Variants in KLK3 observed in about 807,000 individuals in gnomAD.
KLK3 encodes kallikrein related peptidase 3.
A neutral mutation model predicts 27.7 loss-of-function variants in KLK3; 23 were observed. The observed-to-expected ratio is 0.83, with a 90% CI of 0.60 to 1.17. The LOEUF (loss-of-function observed/expected upper bound fraction) is 1.17, where lower values mean the gene tolerates loss of function less well. Ranked by LOEUF, KLK3 falls within the 50% of genes most tolerant of loss-of-function variation. The probability of loss-of-function intolerance (pLI) is 0.00; values close to 1 mark genes in which losing one functional copy is unlikely to be tolerated. For missense variants in KLK3, 322 were observed against 338.1 expected (o/e 0.95, Z 0.37); for synonymous variants, 142 against 134.2 (o/e 1.06, Z -0.40).
At chr19:50,857,826 A>C in intron 2 of KLK3, 1 of 556,858 alleles carries the variant, frequency 1.8e-6, no homozygotes, top group Non-Finnish European at 3.1e-6. Context: ...GGTTTCTCTC[A>C]GTTTCTGTAT....
chr19:50,859,428 G>A, intron 4 of KLK3: 4 of 860,176 alleles, frequency 4.7e-6, no homozygotes, highest in Non-Finnish European at 7.7e-6. Flanking sequence ...TGACCTGGGG[G>A]TGGCTCCAGG....
At chr19:50,858,342 G>A (rs781682116) in intron 3 of KLK3, 27 bp downstream of exon 3, 75 of 1,605,638 alleles carry the variant, frequency 4.7e-5, no homozygotes, top group East Asian at 4.5e-4. Context: ...TGGTGCAGCC[G>A]GGAGCCCAGA....
intron 2 of KLK3, among the ~76,000 whole-genome samples, chr19:50,857,031 C>T (rs749269197): frequency 6.6e-6 from 1 of 151,642 alleles, no homozygotes. Flanking sequence ...GGCGTGGTGG[C>T]GCATGCCTGT....
chr19:50,859,507 C>T, intron 4 of KLK3: 2 of 1,594,472 alleles, frequency 1.3e-6, no homozygotes, highest in Non-Finnish European at 1.7e-6. Context: ...CTCCCCTCCA[C>T]TCCATTCTCC....
intron 2 of KLK3, among the ~76,000 whole-genome samples, chr19:50,857,162 C>CAAAAAAAAA (rs560911495): frequency 0.18 from 8,205 of 46,126 alleles, 1,243 homozygotes; most frequent in Non-Finnish European, 0.26. Context: ...GACTCCGCCT[C>CAAAAAAAAA]AAAAAAAAAA....
At position 50,856,340 on chromosome 19, in the gene KLK3, C is replaced by T; in HGVS notation, c.147C>T (p.Val49=). 6.2e-7 allele frequency: 1 copy of T among 1,613,808 alleles called. No homozygotes were observed. ...QVLVASRGRA[V]CGGVLVHPQW... ...TTGTGGCCTCTCGTGGCAGGGCAGT[C>T]TGCGGCGGTGTTCTGGTGCACCCCC... The change falls in exon 2 of 5, where the codon GTC becomes GTT. Residue 49 remains valine, a synonymous_variant. Transcript: ENST00000326003.
At chr19:50,858,420 G>A in intron 3 of KLK3, 39 bp from the exon 4 acceptor site, 22 of 1,609,718 alleles carry the variant, frequency 1.4e-5, no homozygotes, top group Non-Finnish European at 1.8e-5. Flanking sequence ...GGAACCAGGT[G>A]GGGTCCAGCC....
chr19:50,855,069 T>C (rs766628593), intron 1 of KLK3, 68 bp downstream of exon 1: 5 of 1,556,870 alleles, frequency 3.2e-6, no homozygotes, highest in Admixed American at 3.4e-5. Flanking sequence ...CTGAGGCTCT[T>C]TCCCCCCCAA....
At position 50,860,430 on chromosome 19, in the gene KLK3, T is replaced by G. The variant is rs537315899; in HGVS notation, c.*303T>G. The G allele has an allele frequency of 8.0e-5, 21 of 263,408 alleles. No homozygotes were observed. Among genetic ancestry groups the G allele is most frequent in the Admixed American group, 4.4e-4 (9 of 20,400 alleles). The allele number at this position is 263,408 out of a possible 1,614,324, so 16.3% of individuals were successfully genotyped here. The stretch of plus-strand genomic sequence containing the variant: ...GTACAGAGATGAAAGAGGGGTGGGA[T>G]CCACACTGAGAGAGTGGAGAGTGAC... On this transcript the variant is annotated 3_prime_UTR_variant, in exon 5 of 5. Transcript: ENST00000326003.
intron 2 of KLK3, 131 bp from the exon 3 acceptor site, chr19:50,857,898 T>A: frequency 3.0e-6 from 3 of 984,496 alleles, no homozygotes; most frequent in South Asian, 1.8e-5. Context: ...TGGCCTGAAC[T>A]GTGTCTTCCC....
At chr19:50,859,311 C>A (rs867948733) in intron 4 of KLK3, among the ~76,000 whole-genome samples, 20 of 142,004 alleles carry the variant, frequency 1.4e-4, no homozygotes, top group Middle Eastern at 3.5e-3. Context: ...TGGACAGAAG[C>A]AGGACAGGGC....
Position 50,858,483 on chromosome 19 carries a change from G to A in KLK3, c.518G>A (p.Cys173Tyr), listed in dbSNP as rs775735844. The A allele has an allele frequency of 6.8e-6, 11 of 1,614,100 alleles. No homozygotes were observed. The highest frequency in any genetic ancestry group is 1.6e-4 in the Middle Eastern group (1 of 6,084). Residue 173 changes from cysteine to tyrosine, a missense_variant, in exon 4 of 5, where the codon TGT (cysteine) becomes TAT (tyrosine). Cys to Tyr is a radical substitution (Grantham distance 194, BLOSUM62 -2). Transcript: ENST00000326003. ...GTCTTGACCCCAAAGAAACTTCAGT[G>A]TGTGGACCTCCATGTTATTTCCAAT... ...EEFLTPKKLQCVDLHVISNDV... is the reference protein window; with the variant it reads ...EEFLTPKKLQYVDLHVISNDV...
intron 4 of KLK3, chr19:50,859,479 G>A: frequency 6.7e-7 from 1 of 1,490,006 alleles, no homozygotes; most frequent in Non-Finnish European, 9.3e-7. Flanking sequence ...TCCCTCACAG[G>A]CTCCTGGCCC....
Position 50,854,922 on chromosome 19 carries a change from A to G in KLK3, c.-34A>G. On this transcript the variant is annotated 5_prime_UTR_variant, in exon 1 of 5. Coordinates refer to ENST00000326003, the MANE Select transcript of KLK3 (RefSeq NM_001648.2). ...TCCTGGGGGAGGCTCCCCAGCCCCA[A>G]GCTTACCACCTGCACCCGGAGAGCT... The G allele has an allele frequency of 6.2e-7, 1 of 1,613,148 alleles. No individual in the cohort carries two copies. Among genetic ancestry groups the G allele is most frequent in the Non-Finnish European group, 8.5e-7 (1 of 1,179,466 alleles).
intron 2 of KLK3, 82 bp downstream of exon 2, chr19:50,856,481 C>A: frequency 6.6e-7 from 1 of 1,515,906 alleles, no homozygotes; most frequent in Non-Finnish European, 9.0e-7. Context: ...AGGATAACCT[C>A]TAAGGCCAGC....
rs1441638537 is a variant in KLK3, at chr19:50,858,367, G to A, written c.493+52G>A. ...GGGAGCCCAGATGCCTGGGTCTGAGGGAGGAGGGGACAGGACTCCTAGGTC... is the reference window on the plus strand; with the variant it reads ...GGGAGCCCAGATGCCTGGGTCTGAGAGAGGAGGGGACAGGACTCCTAGGTC... On this transcript the variant is annotated intron_variant, in intron 3 of 4. Transcript: ENST00000326003. The A allele has an allele frequency of 3.1e-6, 5 of 1,603,406 alleles. No individual in the cohort carries two copies. In the South Asian group the frequency reaches 4.5e-5, roughly 14 times the overall value.
Position 50,860,263 on chromosome 19 carries a change from A to C in KLK3, c.*136A>C, listed in dbSNP as rs116248649. The C allele has an allele frequency of 5.9e-6, 4 of 678,980 alleles. No individual in the cohort carries two copies. The highest frequency in any genetic ancestry group is 5.9e-5 in the South Asian group (3 of 50,960). 42.1% of individuals were successfully genotyped at this position (678,980 alleles called of 1,614,324 possible). On this transcript the variant is annotated 3_prime_UTR_variant, in exon 5 of 5. Coordinates refer to ENST00000326003, the MANE Select transcript of KLK3 (RefSeq NM_001648.2). ...GGTTGCTAGGAAAAGAAATCAGCAGACACAGGTGTAGACCAGAGTGTTTCT... is the reference window on the plus strand; with the variant it reads ...GGTTGCTAGGAAAAGAAATCAGCAGCCACAGGTGTAGACCAGAGTGTTTCT...
rs1414908465 is a variant in KLK3, at chr19:50,858,466, C to T, written c.501C>T (p.Thr167=). Residue 167 remains threonine, a synonymous_variant, in exon 4 of 5, where the codon ACC becomes ACT. Coordinates refer to ENST00000326003, the MANE Select transcript of KLK3 (RefSeq NM_001648.2). Reference sequence around the variant, plus strand: ...TTTTTGCCTGGCCCGTAGTCTTGACCCCAAAGAAACTTCAGTGTGTGGACC... The same window carrying T: ...TTTTTGCCTGGCCCGTAGTCTTGACTCCAAAGAAACTTCAGTGTGTGGACC... The part of the protein sequence containing the change: ...WGSIEPEEFL[T]PKKLQCVDLH... The T allele has an allele frequency of 1.9e-6, 3 of 1,614,046 alleles. No homozygotes were observed. Among genetic ancestry groups the T allele is most frequent in the South Asian group, 1.1e-5 (1 of 91,086 alleles).
intron 2 of KLK3, chr19:50,857,816 G>T: frequency 1.1e-5 from 6 of 548,766 alleles, no homozygotes; most frequent in Non-Finnish European, 1.3e-5. Context: ...TTTTTCCCTT[G>T]GTTTCTCTCA....
Sources: allele counts gnomAD v4.1 joint callset (sites outside exome capture counted in the v4.1 genomes callset), GRCh38; gene constraint gnomAD v4.1.1; transcripts MANE v1.5; gene names NCBI Gene and HGNC (gene_info 2026-07-23, HGNC 2026-07-21).